ANKS1B: variants seen among roughly 807,000 people sequenced by gnomAD.
ANKS1B encodes the protein ankyrin repeat and sterile alpha motif domain-containing protein 1B.
In ANKS1B, 36 loss-of-function variants were observed where a neutral mutation model predicts 148.3. That is an observed-to-expected ratio of 0.24 (90% CI 0.19 to 0.32). The LOEUF is 0.32. Ranked by LOEUF, ANKS1B falls within the 10% of genes least tolerant of loss-of-function variation. The probability of loss-of-function intolerance (pLI) is 1.00; values close to 1 mark genes in which losing one functional copy is unlikely to be tolerated. For synonymous variants in ANKS1B, 542 were observed against 560.8 expected, an observed-to-expected ratio of 0.97 and a Z score of 0.47; for missense variants, 1,157 against 1,542.6, an observed-to-expected ratio of 0.75 and a Z score of 4.19.
chr12:98,833,149 G>A (rs1157342732), intron 17 of ANKS1B, among the ~76,000 whole-genome samples: 2 of 152,020 alleles, frequency 1.3e-5, no homozygotes, highest in African/African-American at 2.4e-5. Context: ...CCCCATTCCC[G>A]GTGCTTTACC....
chr12:99,916,518 T>C (rs1007385161), intron 1 of ANKS1B, among the ~76,000 whole-genome samples: 1 of 152,146 alleles, frequency 6.6e-6, no homozygotes, highest in East Asian at 1.9e-4. Context: ...AGTACATAAT[T>C]GAGATGGATA....
At chr12:98,876,342 T>C (rs1250828438) in intron 17 of ANKS1B, among the ~76,000 whole-genome samples, 1 of 152,220 alleles carries the variant, frequency 6.6e-6, no homozygotes, top group Admixed American at 6.5e-5. Flanking sequence ...CTGATCATCC[T>C]TGAAGTCATC....
intron 12 of ANKS1B, among the ~76,000 whole-genome samples, chr12:99,288,260 T>A (rs143198012): frequency 1.3e-5 from 2 of 152,094 alleles, no homozygotes; most frequent in Non-Finnish European, 2.9e-5. Flanking sequence ...GAGAGCGGCA[T>A]GATATATTTA....
At chr12:98,912,471 T>C (rs2099788141) in intron 17 of ANKS1B, among the ~76,000 whole-genome samples, 1 of 152,168 alleles carries the variant, frequency 6.6e-6, no homozygotes, top group African/African-American at 2.4e-5. Flanking sequence ...TCCCCTAACC[T>C]GTGGGAGGTG....
At chr12:98,937,895 G>GGAGAGAGA (rs35321454) in intron 17 of ANKS1B, among the ~76,000 whole-genome samples, 3 of 150,042 alleles carry the variant, frequency 2.0e-5, no homozygotes, top group Non-Finnish European at 4.5e-5. Context: ...CATGGCAGCA[G>GGAGAGAGA]GAGAGAGAGA....
At chr12:99,735,966 T>A (rs980273441) in intron 8 of ANKS1B, among the ~76,000 whole-genome samples, 6 of 151,688 alleles carry the variant, frequency 4.0e-5, no homozygotes, top group Non-Finnish European at 7.4e-5. Context: ...AACATATGCA[T>A]ATGAATAAAC....
At chr12:99,293,149 C>T (rs997830222) in intron 12 of ANKS1B, among the ~76,000 whole-genome samples, 2 of 152,152 alleles carry the variant, frequency 1.3e-5, no homozygotes, top group African/African-American at 2.4e-5. Flanking sequence ...GGCACATATA[C>T]ACCATGGAAT....
chr12:98,745,748 C>A lies in ANKS1B; in HGVS notation c.3849G>T (p.Thr1283=). Residue 1283 remains threonine, a synonymous_variant, in exon 27 of 27, where the codon ACG becomes ACT. Coordinates refer to ENST00000683438, the MANE Select transcript of ANKS1B (RefSeq NM_001352186.2). ...AGGAGGACGGCGAGTATCAGAAAAT[C>A]GTGGTTTCATACTTGGTATTAATGC... ...KRGINTKYET[T]IF is the part of the protein sequence containing the mutation. 11 of 1,613,588 alleles carry A rather than the reference C, an allele frequency of 6.8e-6. No individual in the cohort carries two copies. Among genetic ancestry groups the A allele is most frequent in the Non-Finnish European group, 9.3e-6 (11 of 1,179,678 alleles).
chr12:98,786,468 T>G (rs1176559996), intron 22 of ANKS1B, among the ~76,000 whole-genome samples: 1 of 152,154 alleles, frequency 6.6e-6, no homozygotes, highest in Non-Finnish European at 1.5e-5. Flanking sequence ...GAGAAAGAAA[T>G]AACCATCTTT....
chr12:99,518,151 A>G (rs2096840535), intron 9 of ANKS1B, among the ~76,000 whole-genome samples: 1 of 152,090 alleles, frequency 6.6e-6, no homozygotes, highest in African/African-American at 2.4e-5. Context: ...TTGCATTAAT[A>G]TTAGTCAGAG....
intron 14 of ANKS1B, among the ~76,000 whole-genome samples, chr12:99,176,378 A>G (rs1307758206): frequency 6.6e-6 from 1 of 152,202 alleles, no homozygotes; most frequent in Non-Finnish European, 1.5e-5. Flanking sequence ...CAACAAGTCC[A>G]TCACACATTT....
chr12:99,882,718 A>G (rs1442483528), intron 1 of ANKS1B, among the ~76,000 whole-genome samples: 3 of 152,230 alleles, frequency 2.0e-5, no homozygotes, highest in Non-Finnish European at 4.4e-5. Flanking sequence ...TGATGGGTGC[A>G]CTAAAATCTC....
At chr12:98,745,958 G>A in intron 26 of ANKS1B, 109 bp from the exon 27 acceptor site, 3 of 1,231,510 alleles carry the variant, frequency 2.4e-6, no homozygotes, top group Non-Finnish European at 3.3e-6. Context: ...CAGGCGCGGG[G>A]CGGCGATGCT....
At chr12:98,992,724 A>G (rs1458949577) in intron 17 of ANKS1B, among the ~76,000 whole-genome samples, 2 of 152,108 alleles carry the variant, frequency 1.3e-5, no homozygotes, top group African/African-American at 4.8e-5. Flanking sequence ...TTCCTTGGTG[A>G]CCCAAACTGA....
chr12:99,308,487 T>C (rs1196719802), intron 12 of ANKS1B, among the ~76,000 whole-genome samples: 1 of 152,046 alleles, frequency 6.6e-6, no homozygotes, highest in Admixed American at 6.6e-5. Context: ...GTCTTTTCCA[T>C]GTCATTATCA....
In ANKS1B at chr12:98,827,991, A is replaced by G. The variant is rs147549925; in HGVS notation, c.3066+1183T>C. ...TTTCAGATGCCCTATTTAAAAGAGCACCAGTGAAAACAGTAATAAAAATTA... is the reference window on the plus strand; with the variant it reads ...TTTCAGATGCCCTATTTAAAAGAGCGCCAGTGAAAACAGTAATAAAAATTA... On this transcript the variant is annotated intron_variant, in intron 19 of 26. Transcript: ENST00000683438. Among the ~76,000 whole-genome samples the G allele has an allele frequency of 4.0e-4, 61 of 152,356 alleles. No individual in the cohort carries two copies. In the East Asian group the frequency reaches 0.011, roughly 27 times the overall value.
At chr12:99,972,553 T>C (rs1420863687) in intron 1 of ANKS1B, among the ~76,000 whole-genome samples, 4 of 152,148 alleles carry the variant, frequency 2.6e-5, no homozygotes, top group Non-Finnish European at 5.9e-5. Context: ...CAAGAGCTGA[T>C]GGAGCTGGGG....
At chr12:99,884,936 AAAAC>A (rs1195204096) in intron 1 of ANKS1B, among the ~76,000 whole-genome samples, 6 of 152,110 alleles carry the variant, frequency 3.9e-5, no homozygotes, top group Admixed American at 6.5e-5. Context: ...TTTAAAAAAA[AAAAC>A]AAAGACAGCA....
intron 9 of ANKS1B, chr12:99,649,564 G>A (rs2098404601): frequency 1.7e-6 from 1 of 585,046 alleles, no homozygotes; most frequent in Non-Finnish European, 3.0e-6. Context: ...TGCAGACTCA[G>A]GAGAGAAACA....
Sources: gnomAD v4.1 joint callset for allele counts (sites outside exome capture counted in the v4.1 genomes callset) on GRCh38, gnomAD v4.1.1 for gene constraint, MANE v1.5 for transcripts, NCBI Gene and HGNC (gene_info 2026-07-23, HGNC 2026-07-21) for gene names.